BRD2: variants seen among roughly 807,000 people sequenced by gnomAD.
BRD2 encodes the protein bromodomain containing 2.
In BRD2, 15 loss-of-function variants were observed where a neutral mutation model predicts 79.1. The ratio of observed to expected loss-of-function variants is 0.19; its 90% CI spans 0.13 to 0.29. The LOEUF is 0.29. Among genes scored for constraint, BRD2 ranks in the 10% least tolerant of loss-of-function variants. BRD2 has a pLI of 1.00. For missense variants in BRD2, 1,053 were observed against 991.3 expected, an observed-to-expected ratio of 1.06 and a Z score of -0.84; for synonymous variants, 488 against 358.6, an observed-to-expected ratio of 1.36 and a Z score of -4.08.
At chr6:32,973,962 C>T (rs772613800) in intron 2 of BRD2, among the ~76,000 whole-genome samples, 9 of 152,120 alleles carry the variant, frequency 5.9e-5, no homozygotes, top group Admixed American at 1.3e-4. Flanking sequence ...GGTGCTCTCT[C>T]TTCTATCTAG....
rs771196815 is a variant in BRD2 at position 32,980,663 on chromosome 6, GCTC to G, written c.2358_2360del (p.Ser793del). The G allele has an allele frequency of 4.3e-6, 7 of 1,613,026 alleles. No homozygotes were observed. The highest frequency in any genetic ancestry group is 3.3e-5 in the Admixed American group (2 of 60,006). ...GCTTCCAGCTCCAGCTCAGATTCCA[GCTC>G]CTCCTCTTCCTCGTCGTCGTCTTCA... On this transcript the variant is annotated inframe_deletion, in exon 13 of 13. Transcript: ENST00000374825.
intron 3 of BRD2, 192 bp downstream of exon 3, chr6:32,974,957 G>A (rs1031698549): frequency 3.1e-5 from 44 of 1,438,892 alleles, no homozygotes; most frequent in Non-Finnish European, 4.1e-5. Flanking sequence ...AACTATCTTG[G>A]CATCTTTCCT....
Position 32,980,804 on chromosome 6 carries a change from T to G in BRD2, c.*86T>G. ...CCACCTGCCCCTTCCCCCTTTGCTGTGACACTTCTTCATCTCACCCCCCCC... is the reference window on the plus strand; with the variant it reads ...CCACCTGCCCCTTCCCCCTTTGCTGGGACACTTCTTCATCTCACCCCCCCC... On this transcript the variant is annotated 3_prime_UTR_variant, in exon 13 of 13. Coordinates refer to ENST00000374825, the MANE Select transcript of BRD2 (RefSeq NM_005104.4). The G allele has an allele frequency of 8.6e-6, 13 of 1,512,722 alleles. No individual in the cohort carries two copies. Among genetic ancestry groups the G allele is most frequent in the Non-Finnish European group, 1.2e-5 (13 of 1,103,536 alleles). The allele number at this position is 1,512,722 out of a possible 1,614,324, so 93.7% of individuals were successfully genotyped here. A position where few individuals can be genotyped will look rare whatever the true frequency, so the allele number is the denominator to read the frequency against.
rs1458851798 is a variant in BRD2 at position 32,972,252 on chromosome 6, A to G, written c.-647A>G. The G allele has an allele frequency of 8.6e-6, 4 of 463,446 alleles. No homozygotes were observed. Among genetic ancestry groups the G allele is most frequent in the East Asian group, 4.5e-5 (1 of 22,324 alleles). 28.7% of individuals were successfully genotyped at this position (463,446 alleles called of 1,614,324 possible). On this transcript the variant is annotated 5_prime_UTR_variant, in exon 2 of 13. Coordinates refer to ENST00000374825, the MANE Select transcript of BRD2 (RefSeq NM_005104.4). ...TAGAACGAGCTGGAGGATTCTGCCT[A>G]CCGATACAGAGCCTTCGAGTCGTCC...
rs1306129938 is a variant in BRD2 at position 32,972,734 on chromosome 6, AAG to A, written c.-161_-160del. On this transcript the variant is annotated 5_prime_UTR_variant, in exon 2 of 13. Transcript: ENST00000374825. ...GCCCGGAGCTCTCCGAGAGGCCCCAAAGAGACTGCTTTCGTGCCGGCCAGGCA... is the reference window on the plus strand; with the variant it reads ...GCCCGGAGCTCTCCGAGAGGCCCCAAAGACTGCTTTCGTGCCGGCCAGGCA... 31 of 1,056,526 alleles carry A rather than the reference AAG, an allele frequency of 2.9e-5. No homozygotes were observed. The highest frequency in any genetic ancestry group is 4.1e-5 in the Non-Finnish European group (29 of 714,710). 65.4% of individuals were successfully genotyped at this position (1,056,526 alleles called of 1,614,324 possible).
intron 2 of BRD2, 116 bp from the exon 3 acceptor site, chr6:32,974,346 T>TG (rs1778432515): frequency 9.7e-7 from 1 of 1,032,896 alleles, no homozygotes; most frequent in East Asian, 2.4e-5. Flanking sequence ...AAGAAGCACT[T>TG]GGCATAAGCT....
At position 32,974,765 on chromosome 6, in the gene BRD2, G is replaced by A. The variant is rs765055674; in HGVS notation, c.333G>A (p.Pro111=). 4.3e-6 allele frequency: 7 copies of A among 1,612,772 alleles called. No individual in the cohort carries two copies. The highest frequency in any genetic ancestry group is 1.7e-5 in the Admixed American group (1 of 59,980). ...TGGATGCTGTCAAACTGGGTCTACC[G>A]GTGAGTAGAGACATTGGAGCCGGGG... The part of the protein sequence containing the change: ...QPVDAVKLGL[P]DYHKIIKQPM... The change falls in exon 3 of 13, where the codon CCG becomes CCA. Residue 111 remains proline (P), a splice_region_variant and synonymous_variant. Coordinates refer to ENST00000374825, the MANE Select transcript of BRD2 (RefSeq NM_005104.4).
chr6:32,977,924 G>A lies in BRD2; in HGVS notation c.1497G>A (p.Glu499=), dbSNP rs200978040. The A allele has an allele frequency of 6.6e-7, 1 of 1,516,938 alleles. No homozygotes were observed. The highest frequency in any genetic ancestry group is 9.1e-7 in the Non-Finnish European group (1 of 1,103,366). 94.0% of individuals were successfully genotyped at this position (1,516,938 alleles called of 1,614,324 possible). The change falls in exon 9 of 13, where the codon GAG becomes GAA. Residue 499 remains glutamate, a synonymous_variant. Coordinates refer to ENST00000374825, the MANE Select transcript of BRD2 (RefSeq NM_005104.4). The part of the protein sequence containing the change: ...SSSEEEEEED[E]EDEEEEESES... ...CTGAGGAAGAGGAGGAGGAAGATGA[G>A]GAGGACGAGGAGGAAGAAGAGAGTG...
chr6:32,972,066 G>T lies in BRD2; in HGVS notation c.-833G>T. 1.4e-6 allele frequency: 1 copy of T among 699,222 alleles called. No individual in the cohort carries two copies. Among genetic ancestry groups the T allele is most frequent in the Non-Finnish European group, 2.6e-6 (1 of 383,390 alleles). 43.3% of individuals were successfully genotyped at this position (699,222 alleles called of 1,614,324 possible). A position where few individuals can be genotyped will look rare whatever the true frequency, so the allele number is the denominator to read the frequency against. ...GAGGTGTTCCTTCCCCTTCGACTCA[G>T]CTTCTTCACCCGCGTGAGCGAGCGC... On this transcript the variant is annotated 5_prime_UTR_variant, in exon 2 of 13. Coordinates refer to ENST00000374825, the MANE Select transcript of BRD2 (RefSeq NM_005104.4).
chr6:32,976,076 T>C lies in BRD2; in HGVS notation c.517T>C (p.Phe173Leu), dbSNP rs137960007. The C allele has an allele frequency of 1.0e-4, 166 of 1,612,798 alleles. No individual in the cohort carries two copies. Among genetic ancestry groups the C allele is most frequent in the Admixed American group, 3.2e-4 (19 of 59,938 alleles). The change falls in exon 5 of 13, where the codon TTC (phenylalanine) becomes CTC (leucine). Residue 173 changes from phenylalanine to leucine, a missense_variant. Phe to Leu is a conservative substitution (Grantham distance 22, BLOSUM62 0). This residue lies in a region of BRD2 where 413 missense variants were observed against 335.1 expected (regional missense o/e 1.23). Transcript: ENST00000374825. ...VLMAQTLEKIFLQKVASMPQE... is the reference protein window; with the variant it reads ...VLMAQTLEKILLQKVASMPQE... ...AATGGCACAAACGCTGGAAAAGATATTCCTACAGAAGGTTGCATCAATGCC... is the reference window on the plus strand; with the variant it reads ...AATGGCACAAACGCTGGAAAAGATACTCCTACAGAAGGTTGCATCAATGCC...
At chr6:32,978,573 G>GT (rs1355606717) in intron 10 of BRD2, 185 bp downstream of exon 10, 2 of 953,454 alleles carry the variant, frequency 2.1e-6, no homozygotes, top group Admixed American at 2.9e-5. Context: ...CACAGACAGG[G>GT]TTTGAGGGGA....
chr6:32,978,064 T>G (rs1259403009), intron 9 of BRD2, 59 bp downstream of exon 9: 1 of 1,588,258 alleles, frequency 6.3e-7, no homozygotes, highest in Non-Finnish European at 8.5e-7. Context: ...TTTGTCCTCA[T>G]TTTTTCTTCT....
chr6:32,979,902 G>A lies in BRD2; in HGVS notation c.1916G>A (p.Ser639Asn), dbSNP rs745849217. Residue 639 changes from serine to asparagine, a missense_variant, in exon 11 of 13, where the codon AGC becomes AAC. Physicochemically the swap from Ser to Asn is conservative, Grantham distance 46. Coordinates refer to ENST00000374825, the MANE Select transcript of BRD2 (RefSeq NM_005104.4). The stretch of plus-strand genomic sequence containing the variant: ...TATGATTCAGAGGAGGAGGAAGAGA[G>A]CAGGCCCATGAGTTACGATGAGAAG... The part of the protein sequence containing the change: ...TGYDSEEEEE[S>N]RPMSYDEKRQ... 1.6e-5 allele frequency: 26 copies of A among 1,613,086 alleles called. No individual in the cohort carries two copies. The highest frequency in any genetic ancestry group is 2.1e-5 in the Non-Finnish European group (25 of 1,180,038).
chr6:32,969,078 G>T, intron 1 of BRD2, 22 bp downstream of exon 1: 1 of 482,744 alleles, frequency 2.1e-6, no homozygotes, highest in Middle Eastern at 5.5e-4. Flanking sequence ...CCCTTGTGGG[G>T]CGGAGATGTC....
In BRD2 at chr6:32,975,477, C is replaced by G; in HGVS notation, c.427C>G (p.Gln143Glu). The G allele has an allele frequency of 1.2e-6, 2 of 1,612,708 alleles. No homozygotes were observed. The highest frequency in any genetic ancestry group is 8.5e-7 in the Non-Finnish European group (1 of 1,179,812). Residue 143 changes from glutamine (Q) to glutamate (E), a missense_variant, in exon 4 of 13, where the codon CAA becomes GAA. By Grantham distance (29) the Gln-to-Glu change is conservative. Transcript: ENST00000374825. The part of the protein sequence containing the change: ...NYYWAASECM[Q>E]DFNTMFTNCY... ...TTATTGGGCTGCTTCAGAGTGTATG[C>G]AAGATTTTAATACCATGTTCACCAA...
Position 32,972,703 on chromosome 6 carries a change from CAA to C in BRD2, c.-195_-194del. 1 of 761,588 alleles carries C rather than the reference CAA, an allele frequency of 1.3e-6. No homozygotes were observed. Among genetic ancestry groups the C allele is most frequent in the Non-Finnish European group, 2.1e-6 (1 of 478,212 alleles). 47.2% of individuals were successfully genotyped at this position (761,588 alleles called of 1,614,324 possible). ...GCTGTCCGCCGTCTGCAGAGCGCGC[CAA>C]GCTGCCCGGAGCTCTCCGAGAGGCC... On this transcript the variant is annotated 5_prime_UTR_variant, in exon 2 of 13. Transcript: ENST00000374825.
chr6:32,969,079 C>G, intron 1 of BRD2, 23 bp downstream of exon 1: 1 of 480,292 alleles, frequency 2.1e-6, no homozygotes, highest in Non-Finnish European at 3.8e-6. Context: ...CCTTGTGGGG[C>G]GGAGATGTCA....
chr6:32,968,664 T>C lies in BRD2; in HGVS notation c.-1697T>C, dbSNP rs9276935. ...GAGTGGGGGGGACAGAGTCCAGGACTGCGGGATAGGAAGCTGGGGATATGG... is the reference window on the plus strand; with the variant it reads ...GAGTGGGGGGGACAGAGTCCAGGACCGCGGGATAGGAAGCTGGGGATATGG... On this transcript the variant is annotated 5_prime_UTR_variant, in exon 1 of 13. Transcript: ENST00000374825. 8,815 of 153,388 alleles carry C rather than the reference T, an allele frequency of 0.057. 319 individuals carry two copies. Among genetic ancestry groups the C allele is most frequent in the South Asian group, 0.096 (491 of 5,102 alleles). The allele number at this position is 153,388 out of a possible 1,614,324, so 9.5% of individuals were successfully genotyped here.
chr6:32,976,309 A>C lies in BRD2; in HGVS notation c.670A>C (p.Thr224Pro). 1 of 1,612,978 alleles carries C rather than the reference A, an allele frequency of 6.2e-7. No homozygotes were observed. Among genetic ancestry groups the C allele is most frequent in the South Asian group, 1.1e-5 (1 of 91,080 alleles). ...QVPAVSSVSH[T>P]ALYTPPPEIP... ...GCCTGCCGTCTCTTCTGTGTCACAC[A>C]CAGCCCTGTATACTCCTCCACCTGA... The change falls in exon 6 of 13, where the codon ACA becomes CCA. Residue 224 changes from threonine (T) to proline (P), a missense_variant. Thr to Pro is a conservative substitution (Grantham distance 38). Around this residue, in one of 5 missense-constraint regions of BRD2, gnomAD observed 413 missense variants for 335.1 expected, o/e 1.23. Transcript: ENST00000374825.
Sources: allele counts gnomAD v4.1 joint callset (sites outside exome capture counted in the v4.1 genomes callset), GRCh38; gene constraint gnomAD v4.1.1; regional missense constraint gnomAD v4.1.1; transcripts MANE v1.5; gene names NCBI Gene and HGNC (gene_info 2026-07-23, HGNC 2026-07-21).